The following ME1 variants were observed in gnomAD, a reference collection of about 807,000 sequenced individuals.
ME1 encodes malic enzyme 1.
A neutral mutation model predicts 66.4 loss-of-function variants in ME1; 74 were observed. The ratio of observed to expected loss-of-function variants is 1.11; its 90% confidence interval spans 0.92 to 1.35. The LOEUF (loss-of-function observed/expected upper bound fraction) is 1.35. Ranked by LOEUF, ME1 falls within the 40% of genes most tolerant of loss-of-function variation. The pLI, the probability that ME1 is intolerant of heterozygous loss-of-function variation, is 0.00. For missense variants in ME1, 750 were observed against 694.1 expected (o/e 1.08, Z -0.90); for synonymous variants, 251 against 235.6 (o/e 1.07, Z -0.60).
intron 6 of ME1, among the ~76,000 whole-genome samples, chr6:83,260,904 C>T (rs961169019): frequency 1.2e-4 from 17 of 139,674 alleles, no homozygotes; most frequent in Non-Finnish European, 1.6e-4. Flanking sequence ...GTGAGTAGTG[C>T]TCCAATAAAC....
Position 83,291,043 on chromosome 6 carries a change from A to G in ME1, c.704+24267T>C, listed in dbSNP as rs375923510. Among the ~76,000 whole-genome samples the G allele has an allele frequency of 3.9e-5, 6 of 152,234 alleles. No homozygotes were observed. In the East Asian group the frequency reaches 9.7e-4, roughly 25 times the overall value. ...CACGTGAGATGAGTCTCCTCAATACAGTATACCACTGAGTCTTGACTCTTC... is the reference window on the plus strand; with the variant it reads ...CACGTGAGATGAGTCTCCTCAATACGGTATACCACTGAGTCTTGACTCTTC... On this transcript the variant is annotated intron_variant, in intron 6 of 13. Transcript: ENST00000369705.
intron 2 of ME1, among the ~76,000 whole-genome samples, chr6:83,407,227 G>A (rs558591341): frequency 4.6e-5 from 7 of 152,240 alleles, no homozygotes; most frequent in East Asian, 3.9e-4. Context: ...AGTTACAGTC[G>A]CCATGGCAGG....
intron 6 of ME1, among the ~76,000 whole-genome samples, chr6:83,296,310 G>A (rs1479392778): frequency 6.6e-6 from 1 of 152,144 alleles, no homozygotes; most frequent in Non-Finnish European, 1.5e-5. Context: ...ACATCAAAAA[G>A]TTACTCCACT....
At chr6:83,331,984 T>C (rs1006070159) in intron 5 of ME1, among the ~76,000 whole-genome samples, 6 of 152,108 alleles carry the variant, frequency 3.9e-5, no homozygotes, top group Non-Finnish European at 4.4e-5. Context: ...ACATAATTTC[T>C]ATGAAAAGAT....
intron 6 of ME1, among the ~76,000 whole-genome samples, chr6:83,305,977 G>A (rs939753241): frequency 4.6e-5 from 7 of 152,154 alleles, no homozygotes; most frequent in Admixed American, 2.0e-4. Flanking sequence ...GCTTTCACAT[G>A]TTCATACCTG....
chr6:83,255,287 C>T (rs1180191), intron 6 of ME1, among the ~76,000 whole-genome samples: 36,012 of 151,332 alleles, frequency 0.24, 4,474 homozygotes, highest in Middle Eastern at 0.37. Flanking sequence ...TAGTTGTTTT[C>T]TTTATTATTT....
chr6:83,416,760 G>A (rs1770166743), intron 1 of ME1, among the ~76,000 whole-genome samples: 1 of 151,972 alleles, frequency 6.6e-6, no homozygotes, highest in Non-Finnish European at 1.5e-5. Flanking sequence ...GCTGGGTGTG[G>A]TGGCATGCAC....
chr6:83,362,011 G>C (rs1769014985), intron 3 of ME1, among the ~76,000 whole-genome samples: 2 of 152,156 alleles, frequency 1.3e-5, no homozygotes, highest in South Asian at 4.1e-4. Flanking sequence ...GAAGAGAAGG[G>C]GCTGGTTCAC....
intron 5 of ME1, among the ~76,000 whole-genome samples, chr6:83,320,365 C>A (rs984376402): frequency 6.6e-6 from 1 of 152,138 alleles, no homozygotes; most frequent in Non-Finnish European, 1.5e-5. Context: ...CACCCTCTGT[C>A]GTTGTGAAAT....
rs1014213451 is a variant in ME1, at chr6:83,212,322, C to G, written c.1549-228G>C. The stretch of plus-strand genomic sequence containing the variant: ...ACATCAGCAACTAAGGAAAGTGTGA[C>G]CAGGTGAGACTGATTCAAGTACTAT... On this transcript the variant is annotated intron_variant, in intron 13 of 13. Coordinates refer to ENST00000369705, the MANE Select transcript of ME1 (RefSeq NM_002395.6). Among the ~76,000 whole-genome samples, 4 of 152,130 alleles carry G rather than the reference C, an allele frequency of 2.6e-5. No individual in the cohort carries two copies. The East Asian group carries it at 7.7e-4, about 29-fold the overall frequency.
intron 6 of ME1, among the ~76,000 whole-genome samples, chr6:83,293,824 T>A (rs1767547963): frequency 6.6e-6 from 1 of 152,140 alleles, no homozygotes; most frequent in Non-Finnish European, 1.5e-5. Flanking sequence ...ACATACAAAT[T>A]CTCCAGAGTC....
intron 1 of ME1, among the ~76,000 whole-genome samples, chr6:83,413,581 A>G (rs1384501903): frequency 6.6e-6 from 1 of 151,964 alleles, no homozygotes; most frequent in African/African-American, 2.4e-5. Context: ...GACCCTTTAT[A>G]TTTTTATTAT....
intron 3 of ME1, among the ~76,000 whole-genome samples, chr6:83,357,902 C>CCTCTCTCTCTCTCTCTCTCTCTCT (rs1051682306): frequency 1.9e-4 from 6 of 31,554 alleles, no homozygotes; most frequent in East Asian, 1.2e-3. Flanking sequence ...AATAAACTCC[C>CCTCTCTCTCTCTCTCTCTCTCTCT]CTCTCTCTCT....
Position 83,373,104 on chromosome 6 carries a change from T to C in ME1, c.363-20965A>G, listed in dbSNP as rs1769223487. Among the ~76,000 whole-genome samples, 5 of 152,246 alleles carry C rather than the reference T, an allele frequency of 3.3e-5. No homozygotes were observed. In the South Asian group the frequency reaches 8.3e-4, roughly 25 times the overall value. On this transcript the variant is annotated intron_variant, in intron 3 of 13. Transcript: ENST00000369705. ...AGTTAGATATTAGATAACACTTTAT[T>C]AAATTCGAGCATTTATTCCTGTTAA...
rs1164821369 is a variant in ME1 at position 83,407,598 on chromosome 6, T to C, written c.212+170A>G. On this transcript the variant is annotated intron_variant, in intron 2 of 13. Transcript: ENST00000369705. ...GCAAAATTTTATTTCATTCAAATGT[T>C]CCTAAAGAGAGTAAATTTTTTAAAA... is the stretch of plus-strand genomic sequence containing the variant. Among the ~76,000 whole-genome samples the C allele has an allele frequency of 2.6e-5, 4 of 152,222 alleles. No homozygotes were observed. The East Asian group carries it at 7.7e-4, about 29-fold the overall frequency.
intron 5 of ME1, among the ~76,000 whole-genome samples, chr6:83,329,832 T>C (rs1010856985): frequency 2.0e-5 from 3 of 152,204 alleles, no homozygotes; most frequent in Non-Finnish European, 4.4e-5. Flanking sequence ...TTTAAAATTA[T>C]TTTTTAGAGA....
chr6:83,233,490 G>A (rs1790340463), intron 9 of ME1, among the ~76,000 whole-genome samples: 1 of 151,994 alleles, frequency 6.6e-6, no homozygotes, highest in Non-Finnish European at 1.5e-5. Context: ...TGGATATGGT[G>A]TAAATGATGG....
Position 83,405,181 on chromosome 6 carries a change from T to C in ME1, c.212+2587A>G, listed in dbSNP as rs1309940777. Among the ~76,000 whole-genome samples the C allele has an allele frequency of 2.0e-5, 3 of 152,218 alleles. No individual in the cohort carries two copies. In the East Asian group the frequency reaches 5.8e-4, roughly 29 times the overall value. On this transcript the variant is annotated intron_variant, in intron 2 of 13. Coordinates refer to ENST00000369705, the MANE Select transcript of ME1 (RefSeq NM_002395.6). ...TTTGTTTGTGTCCTCTCTTATTTCC[T>C]TGAGCAATGGTTTGTAGTTCTCCTT...
intron 7 of ME1, among the ~76,000 whole-genome samples, chr6:83,251,961 T>C (rs1790732685): frequency 6.6e-6 from 1 of 152,218 alleles, no homozygotes; most frequent in Non-Finnish European, 1.5e-5. Context: ...GTAGAGATAT[T>C]ATGCAGAAAA....
Sources: gnomAD v4.1 joint callset for allele counts (sites outside exome capture counted in the v4.1 genomes callset) on GRCh38, gnomAD v4.1.1 for gene constraint, MANE v1.5 for transcripts, NCBI Gene and HGNC (gene_info 2026-07-23, HGNC 2026-07-21) for gene names.